The following TEAD1 variants were observed in gnomAD, a reference collection of about 807,000 sequenced individuals.
The protein encoded by TEAD1 is TEA domain transcription factor 1, also known as transcriptional enhancer factor TEF-1.
In TEAD1, 9 loss-of-function variants were observed where a neutral mutation model predicts 54.9. That is an observed-to-expected ratio of 0.16 (90% confidence interval 0.10 to 0.29). The LOEUF is 0.29. Among genes scored for constraint, TEAD1 ranks in the 10% least tolerant of loss-of-function variants. The probability of loss-of-function intolerance (pLI) is 1.00; values close to 1 mark genes in which losing one functional copy is unlikely to be tolerated. For missense variants in TEAD1, 387 were observed against 535.9 expected (o/e 0.72, Z 2.74); for synonymous variants, 200 against 187.8 (o/e 1.07, Z -0.53).
At chr11:12,854,946 A>G (rs1002352585) in intron 3 of TEAD1, among the ~76,000 whole-genome samples, 4 of 151,976 alleles carry the variant, frequency 2.6e-5, no homozygotes, top group African/African-American at 9.7e-5. Context: ...CTTGTGTTCC[A>G]TCCACACACA....
intron 2 of TEAD1, among the ~76,000 whole-genome samples, chr11:12,715,205 C>T (rs2133857361): frequency 6.6e-6 from 1 of 152,244 alleles, no homozygotes; most frequent in Middle Eastern, 3.4e-3. Context: ...ACCCTCCTCT[C>T]CTCCAAATTC....
At chr11:12,718,709 C>G (rs1173303302) in intron 2 of TEAD1, among the ~76,000 whole-genome samples, 1 of 151,912 alleles carries the variant, frequency 6.6e-6, no homozygotes, top group African/African-American at 2.4e-5. Flanking sequence ...TTTAATTACA[C>G]TCTTGTCTTT....
chr11:12,747,106 C>T (rs2133900659), intron 2 of TEAD1, among the ~76,000 whole-genome samples: 1 of 152,240 alleles, frequency 6.6e-6, no homozygotes, highest in Middle Eastern at 3.4e-3. Flanking sequence ...CTGAGGCTGT[C>T]CTTGTAATTC....
chr11:12,908,588 CTAT>C (rs1165851675), intron 10 of TEAD1, among the ~76,000 whole-genome samples: 1 of 152,162 alleles, frequency 6.6e-6, no homozygotes, highest in Non-Finnish European at 1.5e-5. Context: ...GGTGAATAAA[CTAT>C]TACCAGGAAA....
chr11:12,721,898 T>C (rs1459019115), intron 2 of TEAD1, among the ~76,000 whole-genome samples: 4 of 152,234 alleles, frequency 2.6e-5, no homozygotes, highest in African/African-American at 4.8e-5. Context: ...GGCAGATGTT[T>C]GCATGATTCT....
chr11:12,683,318 CA>C (rs1039243334), intron 2 of TEAD1, among the ~76,000 whole-genome samples: 10 of 152,192 alleles, frequency 6.6e-5, no homozygotes, highest in Non-Finnish European at 1.3e-4. Flanking sequence ...GTTGAAACAA[CA>C]CGTTTGCATC....
intron 2 of TEAD1, among the ~76,000 whole-genome samples, chr11:12,759,059 G>A (rs1297665416): frequency 6.6e-6 from 1 of 151,290 alleles, no homozygotes; most frequent in Non-Finnish European, 1.5e-5. Context: ...TTTTTTTTTG[G>A]TGATCGTTGT....
At chr11:12,749,884 A>T (rs1944830746) in intron 2 of TEAD1, among the ~76,000 whole-genome samples, 1 of 152,084 alleles carries the variant, frequency 6.6e-6, no homozygotes, top group African/African-American at 2.4e-5. Context: ...CTTGAACTGG[A>T]TGTAAACCAA....
In TEAD1 at chr11:12,901,964, A is replaced by G. The variant is rs556862617; in HGVS notation, c.724A>G (p.Ile242Val). ...GTACAACAAACACCTCTTCGTGCAC[A>G]TTGGGCATGCCAACCATTCTTACAG... Residue 242 changes from isoleucine (I) to valine (V), a missense_variant, in exon 10 of 13, where the codon ATT becomes GTT. Transcript: ENST00000527636. 4.3e-6 allele frequency: 7 copies of G among 1,614,228 alleles called. No individual in the cohort carries two copies. The highest frequency in any genetic ancestry group is 2.2e-5 in the East Asian group (1 of 44,888).
chr11:12,928,061 C>T (rs1948934225), intron 11 of TEAD1, among the ~76,000 whole-genome samples: 1 of 152,128 alleles, frequency 6.6e-6, no homozygotes, highest in Non-Finnish European at 1.5e-5. Context: ...GTTACAGCTG[C>T]AATACGTTAT....
intron 12 of TEAD1, among the ~76,000 whole-genome samples, chr11:12,935,499 G>A (rs532704113): frequency 3.3e-5 from 5 of 151,510 alleles, no homozygotes; most frequent in Non-Finnish European, 7.4e-5. Context: ...TTGCTCTGTT[G>A]CCCAGGCTAA....
At chr11:12,825,531 G>A (rs967098968) in intron 3 of TEAD1, among the ~76,000 whole-genome samples, 20 of 152,280 alleles carry the variant, frequency 1.3e-4, no homozygotes, top group African/African-American at 4.3e-4. Flanking sequence ...TGCTAAATGA[G>A]AGTTATCCCA....
At chr11:12,761,241 T>G (rs1945097166) in intron 2 of TEAD1, among the ~76,000 whole-genome samples, 1 of 152,230 alleles carries the variant, frequency 6.6e-6, no homozygotes, top group African/African-American at 2.4e-5. Context: ...TCTGCAAGAC[T>G]CTGCTGCCTG....
intron 2 of TEAD1, among the ~76,000 whole-genome samples, chr11:12,700,599 CT>C (rs199843238): frequency 6.6e-6 from 1 of 152,020 alleles, no homozygotes; most frequent in Non-Finnish European, 1.5e-5. Context: ...ATCTTAGAAA[CT>C]TTTTTTTCTA....
At chr11:12,685,001 G>C (rs758196024) in intron 2 of TEAD1, among the ~76,000 whole-genome samples, 4 of 152,190 alleles carry the variant, frequency 2.6e-5, no homozygotes, top group South Asian at 4.1e-4. Context: ...TTCGAAGTCA[G>C]CTGGCTTAAG....
In TEAD1 at chr11:12,901,925, G is replaced by A. The variant is rs868651335; in HGVS notation, c.700-15G>A. The A allele has an allele frequency of 5.0e-6, 8 of 1,614,172 alleles. No homozygotes were observed. The East Asian group carries it at 1.3e-4, about 27-fold the overall frequency. On this transcript the variant is annotated splice_polypyrimidine_tract_variant and intron_variant, in intron 9 of 12. Coordinates refer to ENST00000527636, the MANE Select transcript of TEAD1 (RefSeq NM_021961.6). Reference sequence around the variant, plus strand: ...AAGAGTTTGTAATGGGAATGTTTCTGTTGGTTTCTTACAGTACAACAAACA... The same window carrying A: ...AAGAGTTTGTAATGGGAATGTTTCTATTGGTTTCTTACAGTACAACAAACA...
intron 2 of TEAD1, among the ~76,000 whole-genome samples, chr11:12,732,983 C>T (rs1267711697): frequency 6.6e-6 from 1 of 152,186 alleles, no homozygotes; most frequent in East Asian, 1.9e-4. Context: ...AACCAGAATT[C>T]AAGAGCTCTG....
intron 9 of TEAD1, among the ~76,000 whole-genome samples, chr11:12,883,548 CAGAG>C (rs1326764319): frequency 2.0e-5 from 3 of 152,134 alleles, no homozygotes; most frequent in Non-Finnish European, 2.9e-5. Flanking sequence ...AATGAGGAAA[CAGAG>C]AGCGTAAGTA....
intron 3 of TEAD1, among the ~76,000 whole-genome samples, chr11:12,837,679 T>TCTTTCTA (rs1946923813): frequency 6.8e-6 from 1 of 147,842 alleles, no homozygotes; most frequent in African/African-American, 2.6e-5. Flanking sequence ...CCTTCTTCCT[T>TCTTTCTA]CTTTCTCCCT....
Sources: allele counts gnomAD v4.1 joint callset (sites outside exome capture counted in the v4.1 genomes callset), GRCh38; gene constraint gnomAD v4.1.1; transcripts MANE v1.5; gene names NCBI Gene and HGNC (gene_info 2026-07-23, HGNC 2026-07-21).